PITPNM2: variants seen among roughly 807,000 people sequenced by gnomAD.
The protein encoded by PITPNM2 is membrane-associated phosphatidylinositol transfer protein 2.
In PITPNM2, 35 loss-of-function variants were observed where a neutral mutation model predicts 132.2. That is an observed-to-expected ratio of 0.26 (90% CI 0.20 to 0.35). The LOEUF is 0.35. Ranked by LOEUF, PITPNM2 falls within the 10% of genes least tolerant of loss-of-function variation. The pLI is 1.00. For missense variants in PITPNM2, 1,332 were observed against 1,912.0 expected (o/e 0.70, Z 5.66); for synonymous variants, 738 against 799.2 (o/e 0.92, Z 1.29).
At chr12:123,028,796 G>C (rs1395911006) in intron 3 of PITPNM2, among the ~76,000 whole-genome samples, 2 of 152,188 alleles carry the variant, frequency 1.3e-5, no homozygotes, top group Non-Finnish European at 2.9e-5. Context: ...AGACGGGCAG[G>C]TGGGGCTGGG....
rs150892188 is a variant in PITPNM2 at position 122,987,774 on chromosome 12, C to T, written c.3114+11G>A. The T allele has an allele frequency of 4.7e-5, 76 of 1,613,852 alleles. No individual in the cohort carries two copies. In the Admixed American group the frequency reaches 5.5e-4, roughly 12 times the overall value. ...GTCCCTCCATGTTACCCCTACCCGCCGTGTCCTTACCTTCTCCCCAGTCAG... is the reference window on the plus strand; with the variant it reads ...GTCCCTCCATGTTACCCCTACCCGCTGTGTCCTTACCTTCTCCCCAGTCAG... On this transcript the variant is annotated intron_variant, in intron 21 of 25. Transcript: ENST00000320201.
rs551831696 is a variant in PITPNM2 at position 123,082,297 on chromosome 12, C to T, written c.-96+28088G>A. ...CTTGACACCCTGATGTAAAACTTGG[C>T]CCTGACTCTAACCCTGGCATTCCTC... On this transcript the variant is annotated intron_variant, in intron 2 of 25. Transcript: ENST00000320201. The surrounding 1 kb of genome is among the most constrained non-coding windows in gnomAD (Gnocchi z 5.4). Among the ~76,000 whole-genome samples, 60 of 152,304 alleles carry T rather than the reference C, an allele frequency of 3.9e-4. No individual in the cohort carries two copies. The highest frequency in any genetic ancestry group is 1.0e-3 in the Admixed American group (16 of 15,298).
chr12:123,151,756 A>C (rs1593041512), upstream of PITPNM2, among the ~76,000 whole-genome samples: 1 of 152,222 alleles, frequency 6.6e-6, no homozygotes, highest in East Asian at 1.9e-4. Flanking sequence ...CCTTAAAAAC[A>C]TGAGGTGTTT....
Position 122,993,275 on chromosome 12 carries a change from G to A in PITPNM2, c.2234-606C>T, listed in dbSNP as rs762008598. Among the ~76,000 whole-genome samples the A allele has an allele frequency of 1.3e-5, 2 of 152,200 alleles. No individual in the cohort carries two copies. Among genetic ancestry groups the A allele is most frequent in the Non-Finnish European group, 2.9e-5 (2 of 68,044 alleles). ...CAGCTCATCTTGCGGGAGCACCACC[G>A]AGTGCTGGCTAGGGCAGCCCTGCCC... On this transcript the variant is annotated intron_variant, in intron 15 of 25. Coordinates refer to ENST00000320201, the MANE Select transcript of PITPNM2 (RefSeq NM_020845.3). This position sits in a 1 kb window ranked among gnomAD's most constrained non-coding sequence, Gnocchi z 5.2.
chr12:123,040,421 C>A (rs1028254122), intron 2 of PITPNM2, among the ~76,000 whole-genome samples: 4 of 152,012 alleles, frequency 2.6e-5, no homozygotes, highest in African/African-American at 9.7e-5. Context: ...TTAAAAAAAT[C>A]AATAATATAC....
chr12:123,030,847 A>G (rs1041133309), intron 3 of PITPNM2, among the ~76,000 whole-genome samples: 4 of 152,210 alleles, frequency 2.6e-5, no homozygotes, highest in African/African-American at 9.7e-5. Flanking sequence ...TATGACATGG[A>G]TGAATCCCAA....
At position 122,992,491 on chromosome 12, in the gene PITPNM2, C is replaced by T. The variant is rs1165542834; in HGVS notation, c.2404+8G>A. 14 of 1,607,810 alleles carry T rather than the reference C, an allele frequency of 8.7e-6. No individual in the cohort carries two copies. Among genetic ancestry groups the T allele is most frequent in the Admixed American group, 1.7e-5 (1 of 59,596 alleles). On this transcript the variant is annotated splice_region_variant and intron_variant, in intron 16 of 25. Coordinates refer to ENST00000320201, the MANE Select transcript of PITPNM2 (RefSeq NM_020845.3). This position sits in a 1 kb window ranked among gnomAD's most constrained non-coding sequence, Gnocchi z 6.5. ...CCCCAGAGGAGTGGGGCGGAATGTGCCTCTCACCCAGCAGCGTGGAGCAGC... is the reference window on the plus strand; with the variant it reads ...CCCCAGAGGAGTGGGGCGGAATGTGTCTCTCACCCAGCAGCGTGGAGCAGC...
At position 123,106,989 on chromosome 12, in the gene PITPNM2, G is replaced by A. The variant is rs1356145000; in HGVS notation, c.-96+3396C>T. On this transcript the variant is annotated intron_variant, in intron 2 of 25. Transcript: ENST00000320201. This position sits in a 1 kb window ranked among gnomAD's most constrained non-coding sequence, Gnocchi z 4.4. Reference sequence around the variant, plus strand: ...GGGCTCTGCTGCTGCTACGGATGGAGATAAGTCCCTTCTTCACCTGGGATG... The same window carrying A: ...GGGCTCTGCTGCTGCTACGGATGGAAATAAGTCCCTTCTTCACCTGGGATG... Among the ~76,000 whole-genome samples the A allele has an allele frequency of 3.9e-5, 6 of 152,202 alleles. No individual in the cohort carries two copies.
At chr12:123,116,819 C>T (rs2042944816) in intron 1 of PITPNM2, among the ~76,000 whole-genome samples, 1 of 152,046 alleles carries the variant, frequency 6.6e-6, no homozygotes, top group African/African-American at 2.4e-5. Context: ...AGCCAGCAGC[C>T]CTAGCAGATA....
At chr12:123,075,802 T>A (rs1006303536) in intron 2 of PITPNM2, 2 of 152,262 alleles carry the variant, frequency 1.3e-5, no homozygotes, top group African/African-American at 4.8e-5. Flanking sequence ...GCACTCACGA[T>A]CTACCTCAGG....
rs1006475385 is a variant in PITPNM2 at position 123,023,863 on chromosome 12, G to T, written c.79-9821C>A. Among the ~76,000 whole-genome samples, 8 of 152,112 alleles carry T rather than the reference G, an allele frequency of 5.3e-5. No homozygotes were observed. Among genetic ancestry groups the T allele is most frequent in the African/African-American group, 1.9e-4 (8 of 41,398 alleles). ...AAAAAACAACGTACAAAATGGGAGAGAATTTTTATATACAATATATCTTAT... is the reference window on the plus strand; with the variant it reads ...AAAAAACAACGTACAAAATGGGAGATAATTTTTATATACAATATATCTTAT... On this transcript the variant is annotated intron_variant, in intron 3 of 25. Coordinates refer to ENST00000320201, the MANE Select transcript of PITPNM2 (RefSeq NM_020845.3). This position sits in a 1 kb window ranked among gnomAD's most constrained non-coding sequence, Gnocchi z 4.8.
In PITPNM2 at chr12:123,021,048, A is replaced by G. The variant is rs111458808; in HGVS notation, c.79-7006T>C. Among the ~76,000 whole-genome samples the G allele has an allele frequency of 6.0e-3, 900 of 150,902 alleles. 13 individuals carry two copies. The highest frequency in any genetic ancestry group is 0.021 in the African/African-American group (847 of 41,064). On this transcript the variant is annotated intron_variant, in intron 3 of 25. Transcript: ENST00000320201. ...CCATCTCAAAAAAAAAAAAAAAAAA[A>G]AAAAAAAGAAAGTGATTAGTGAGCC...
intron 1 of PITPNM2, among the ~76,000 whole-genome samples, chr12:123,133,173 C>T (rs2043304052): frequency 6.6e-6 from 1 of 152,214 alleles, no homozygotes; most frequent in African/African-American, 2.4e-5. Context: ...GACATTCCCA[C>T]CAGTAACACA....
intron 2 of PITPNM2, among the ~76,000 whole-genome samples, chr12:123,042,444 G>A (rs1479510084): frequency 6.6e-6 from 1 of 152,158 alleles, no homozygotes; most frequent in Non-Finnish European, 1.5e-5. Flanking sequence ...ATTAGCAGGG[G>A]TCTGACGTCA....
intron 2 of PITPNM2, among the ~76,000 whole-genome samples, chr12:123,074,048 G>T (rs749994675): frequency 2.6e-5 from 4 of 152,210 alleles, no homozygotes; most frequent in South Asian, 4.1e-4. Context: ...TGCAGAGCAG[G>T]TTGCATGTAT....
At chr12:122,999,597 C>A (rs2038572343) in intron 10 of PITPNM2, among the ~76,000 whole-genome samples, 1 of 151,960 alleles carries the variant, frequency 6.6e-6, no homozygotes, top group Non-Finnish European at 1.5e-5. Flanking sequence ...CTGGGCTCAG[C>A]CCTGGAGATG....
chr12:123,065,446 C>T (rs2041381117), intron 2 of PITPNM2, among the ~76,000 whole-genome samples: 1 of 152,232 alleles, frequency 6.6e-6, no homozygotes, highest in Admixed American at 6.5e-5. Flanking sequence ...ACCAACGGGG[C>T]TGGCAGGAGA....
chr12:123,110,289 T>C (rs762987921), intron 2 of PITPNM2, 96 bp downstream of exon 2: 1 of 152,134 alleles, frequency 6.6e-6, no homozygotes, highest in African/African-American at 2.4e-5. Context: ...GAAACAGCAA[T>C]AAAGTCTCCG....
At chr12:123,046,834 G>A (rs1334448597) in intron 2 of PITPNM2, among the ~76,000 whole-genome samples, 1 of 152,164 alleles carries the variant, frequency 6.6e-6, no homozygotes, top group African/African-American at 2.4e-5. Context: ...TAACTAAGGA[G>A]ACCCAGGGCT....
Sources: gnomAD v4.1 joint callset for allele counts (sites outside exome capture counted in the v4.1 genomes callset) on GRCh38, gnomAD v4.1.1 for gene constraint, Gnocchi (gnomAD v3.1) non-coding constraint, MANE v1.5 for transcripts, NCBI Gene and HGNC (gene_info 2026-07-23, HGNC 2026-07-21) for gene names.